Variants in CTNNA2 observed in about 807,000 individuals in gnomAD.
CTNNA2 encodes the protein catenin alpha-2.
A neutral mutation model predicts 101.0 loss-of-function variants in CTNNA2; 42 were observed. The observed-to-expected ratio is 0.42, with a 90% CI of 0.32 to 0.54. CTNNA2 has a LOEUF of 0.54. Ranked by LOEUF, CTNNA2 falls within the 20% of genes least tolerant of loss-of-function variation. The pLI is 0.14. For synonymous variants in CTNNA2, 450 were observed against 456.4 expected, an observed-to-expected ratio of 0.99 and a Z score of 0.18; for missense variants, 871 against 1,223.1, an observed-to-expected ratio of 0.71 and a Z score of 4.29.
At chr2:80,359,357 G>A (rs1029943165) in intron 7 of CTNNA2, among the ~76,000 whole-genome samples, 2 of 152,172 alleles carry the variant, frequency 1.3e-5, no homozygotes, top group South Asian at 2.1e-4. Context: ...CATTTATGCC[G>A]ATGATACACT....
intron 7 of CTNNA2, among the ~76,000 whole-genome samples, chr2:79,932,492 T>TC (rs1216519268): frequency 6.6e-6 from 1 of 152,064 alleles, no homozygotes; most frequent in East Asian, 1.9e-4. Flanking sequence ...CTTTTTTTTT[T>TC]TTTCTTTTTT....
intron 7 of CTNNA2, among the ~76,000 whole-genome samples, chr2:80,342,192 C>A (rs895472384): frequency 3.9e-5 from 6 of 152,150 alleles, no homozygotes; most frequent in African/African-American, 1.4e-4. Flanking sequence ...GTAGAGAGTG[C>A]TGATGGTTGC....
At chr2:79,696,631 C>G (rs935645770) in intron 2 of CTNNA2, among the ~76,000 whole-genome samples, 17 of 151,964 alleles carry the variant, frequency 1.1e-4, no homozygotes, top group Admixed American at 6.6e-4. Flanking sequence ...ATCTCACATG[C>G]CCATCTCCTT....
At chr2:80,093,849 GTTGT>G (rs1293226541) in intron 7 of CTNNA2, among the ~76,000 whole-genome samples, 1 of 151,954 alleles carries the variant, frequency 6.6e-6, no homozygotes, top group Admixed American at 6.6e-5. Flanking sequence ...TTTTGATGGG[GTTGT>G]TTGTTTTTTT....
Position 79,735,561 on chromosome 2 carries a change from T to C in CTNNA2, c.103-8826T>C, listed in dbSNP as rs72927434. 5.7e-3 allele frequency among the ~76,000 whole-genome samples: 867 copies of C among 152,322 alleles called. 12 individuals carry two copies. Among genetic ancestry groups the C allele is most frequent in the African/African-American group, 0.02 (836 of 41,574 alleles). On this transcript the variant is annotated intron_variant, in intron 2 of 18. Coordinates refer to ENST00000402739, the MANE Select transcript of CTNNA2 (RefSeq NM_001282597.3). ...TGGGGAGTTATTTCTGAATTCTACT[T>C]GCTATTATATTCTTCAGGAAATGTA...
chr2:80,151,879 C>T (rs1022853530), intron 7 of CTNNA2, among the ~76,000 whole-genome samples: 1 of 152,270 alleles, frequency 6.6e-6, no homozygotes, highest in Admixed American at 6.5e-5. Flanking sequence ...GCTGCTTCCA[C>T]CAACATTTCT....
In CTNNA2 at chr2:80,216,037, C is replaced by T. The variant is rs570193114; in HGVS notation, c.1057-177174C>T. On this transcript the variant is annotated intron_variant, in intron 7 of 18. Coordinates refer to ENST00000402739, the MANE Select transcript of CTNNA2 (RefSeq NM_001282597.3). ...TGCTGTGCTAGCAGTGAGCGAGGCT[C>T]CATGGGCATGGGACCCTCCGAGCCA... Among the ~76,000 whole-genome samples the T allele has an allele frequency of 1.2e-4, 19 of 152,346 alleles. No individual in the cohort carries two copies. In the East Asian group the frequency reaches 2.7e-3, roughly 22 times the overall value.
intron 9 of CTNNA2, among the ~76,000 whole-genome samples, chr2:80,543,363 T>G (rs1040091253): frequency 1.5e-4 from 23 of 152,228 alleles, no homozygotes; most frequent in African/African-American, 5.5e-4. Context: ...TAATGAGGCA[T>G]ATGTCTTTTC....
Position 80,379,519 on chromosome 2 carries a change from TG to T in CTNNA2, c.1057-13689del, listed in dbSNP as rs766133707. Among the ~76,000 whole-genome samples, 74 of 152,320 alleles carry T rather than the reference TG, an allele frequency of 4.9e-4. 1 individual carries two copies. Among genetic ancestry groups the T allele is most frequent in the Non-Finnish European group, 9.7e-4 (66 of 68,024 alleles). On this transcript the variant is annotated intron_variant, in intron 7 of 18. Transcript: ENST00000402739. ...TTTTTAGATATAGTGACTAATTCAC[TG>T]GGAATTAAGCAGAATTGCCATAATT...
intron 7 of CTNNA2, among the ~76,000 whole-genome samples, chr2:80,005,688 AGGT>A (rs1285247024): frequency 6.6e-6 from 1 of 152,070 alleles, no homozygotes; most frequent in South Asian, 2.1e-4. Context: ...TTATATTAAT[AGGT>A]CAGCTGCATG....
intron 4 of CTNNA2, among the ~76,000 whole-genome samples, chr2:79,475,427 G>A (rs1053351199): frequency 1.3e-5 from 2 of 152,066 alleles, no homozygotes; most frequent in Non-Finnish European, 2.9e-5. Flanking sequence ...TCCTTAAGGA[G>A]CACCCATTCA....
At chr2:80,511,004 C>G in intron 9 of CTNNA2, among the ~76,000 whole-genome samples, 1 of 152,134 alleles carries the variant, frequency 6.6e-6, no homozygotes, top group East Asian at 1.9e-4. Context: ...ACTTTAATAT[C>G]ATCTCTCAGG....
At chr2:80,362,947 G>A (rs1303018026) in intron 7 of CTNNA2, among the ~76,000 whole-genome samples, 1 of 149,868 alleles carries the variant, frequency 6.7e-6, no homozygotes, top group African/African-American at 2.5e-5. Context: ...TATCAGGCCT[G>A]TGAATTACCA....
At chr2:80,448,868 C>G (rs1574065428) in intron 9 of CTNNA2, among the ~76,000 whole-genome samples, 1 of 152,050 alleles carries the variant, frequency 6.6e-6, no homozygotes, top group East Asian at 1.9e-4. Context: ...TTCCCCAGCT[C>G]TCCTTCCTTT....
At chr2:79,972,880 A>C (rs555801106) in intron 7 of CTNNA2, among the ~76,000 whole-genome samples, 2 of 152,266 alleles carry the variant, frequency 1.3e-5, no homozygotes, top group African/African-American at 4.8e-5. Flanking sequence ...ATCCCATCTA[A>C]GCTCGTAATT....
chr2:80,620,536 C>A (rs1444423271), intron 18 of CTNNA2, among the ~76,000 whole-genome samples: 19 of 151,850 alleles, frequency 1.3e-4, no homozygotes, highest in Admixed American at 1.2e-3. Flanking sequence ...AGATTTCAGG[C>A]CTGATAAAGA....
intron 1 of CTNNA2, among the ~76,000 whole-genome samples, chr2:79,641,642 A>C (rs1178890001): frequency 1.3e-5 from 2 of 152,206 alleles, no homozygotes; most frequent in Non-Finnish European, 2.9e-5. Flanking sequence ...ATATAGAGTA[A>C]GCACTACTTA....
Position 79,311,408 on chromosome 2 carries a change from C to CAAAAAAAA in CTNNA2, c.-405-1286_-405-1279dup, listed in dbSNP as rs753633073. Among the ~76,000 whole-genome samples, 11 of 67,038 alleles carry CAAAAAAAA rather than the reference C, an allele frequency of 1.6e-4. 1 individual carries two copies. The highest frequency in any genetic ancestry group is 4.8e-4 in the African/African-American group (9 of 18,796). 44.0% of individuals were successfully genotyped at this position (67,038 alleles called of 152,430 possible). On this transcript the variant is annotated intron_variant, in intron 2 of 21. Transcript: ENST00000466387. ...TGGGCGACAGGGCTAGACTCCGTCTCAAAAAAAAAAAAAAAAAAAAAAGAG... is the reference window on the plus strand; with the variant it reads ...TGGGCGACAGGGCTAGACTCCGTCTCAAAAAAAAAAAAAAAAAAAAAAAAAAAAAAGAG...
At chr2:80,294,414 T>A (rs976472282) in intron 7 of CTNNA2, among the ~76,000 whole-genome samples, 3 of 151,944 alleles carry the variant, frequency 2.0e-5, no homozygotes, top group African/African-American at 7.3e-5. Flanking sequence ...GTGACTCCCT[T>A]CTCCCTGCCA....
Sources: allele counts gnomAD v4.1 joint callset (sites outside exome capture counted in the v4.1 genomes callset), GRCh38; gene constraint gnomAD v4.1.1; transcripts MANE v1.5; gene names NCBI Gene and HGNC (gene_info 2026-07-23, HGNC 2026-07-21).